PTP4A3: variants seen among roughly 807,000 people sequenced by gnomAD.
PTP4A3 encodes the protein protein tyrosine phosphatase type IVA 3.
A neutral mutation model predicts 15.2 loss-of-function variants in PTP4A3; 9 were observed. The observed-to-expected ratio is 0.59, with a 90% confidence interval of 0.36 to 1.03. The LOEUF is 1.03. Ranked by LOEUF, PTP4A3 falls within the 50% of genes least tolerant of loss-of-function variation. The pLI, the probability that PTP4A3 is intolerant of heterozygous loss-of-function variation, is 0.02. For missense variants in PTP4A3, 234 were observed against 252.1 expected, an observed-to-expected ratio of 0.93 and a Z score of 0.49; for synonymous variants, 95 against 102.0, an observed-to-expected ratio of 0.93 and a Z score of 0.41.
chr8:141,427,728 C>T, intron 4 of PTP4A3, 22 bp from the exon 5 acceptor site: 1 of 1,547,020 alleles, frequency 6.5e-7, no homozygotes, highest in South Asian at 1.2e-5. Context: ...CCGATGACCC[C>T]CGCCCTGCTG....
At chr8:141,419,060 C>T (rs959052682) in intron 1 of PTP4A3, among the ~76,000 whole-genome samples, 16 of 152,150 alleles carry the variant, frequency 1.1e-4, no homozygotes, top group African/African-American at 3.6e-4. Context: ...CCATTCTAGC[C>T]TGGGCTGTGA....
In PTP4A3 at chr8:141,421,704, C is replaced by T. The variant is rs1833338318; in HGVS notation, c.-537C>T. 1 of 155,286 alleles carries T rather than the reference C, an allele frequency of 6.4e-6. No individual in the cohort carries two copies. Among genetic ancestry groups the T allele is most frequent in the Non-Finnish European group, 1.4e-5 (1 of 70,358 alleles). 9.6% of individuals were successfully genotyped at this position (155,286 alleles called of 1,614,324 possible). ...CAAGGCAGCTGGAGTTGGTTCAGTTCAAGTTCATTCTTCCTCTGGCCCTTG... is the reference window on the plus strand; with the variant it reads ...CAAGGCAGCTGGAGTTGGTTCAGTTTAAGTTCATTCTTCCTCTGGCCCTTG... On this transcript the variant is annotated 5_prime_UTR_variant, in exon 2 of 6. Coordinates refer to ENST00000521578, the MANE Select transcript of PTP4A3 (RefSeq NM_032611.3).
At chr8:141,429,489 C>T (rs140354847) in intron 5 of PTP4A3, among the ~76,000 whole-genome samples, 20 of 151,556 alleles carry the variant, frequency 1.3e-4, no homozygotes, top group Admixed American at 7.9e-4. Context: ...GACCAGGTGG[C>T]GGGGCAGGGT....
rs149528767 is a variant in PTP4A3, at chr8:141,420,315, G to A, written c.-853-1073G>A. Among the ~76,000 whole-genome samples, 221 of 152,282 alleles carry A rather than the reference G, an allele frequency of 1.5e-3. 1 individual carries two copies. The highest frequency in any genetic ancestry group is 6.9e-3 in the East Asian group (36 of 5,188). On this transcript the variant is annotated intron_variant, in intron 1 of 5. Coordinates refer to ENST00000521578, the MANE Select transcript of PTP4A3 (RefSeq NM_032611.3). ...CCAGCAGTGCGGGGACCCCTCAGCAGCAGTGCCCAAATACAGCTTGGGTCA... is the reference window on the plus strand; with the variant it reads ...CCAGCAGTGCGGGGACCCCTCAGCAACAGTGCCCAAATACAGCTTGGGTCA...
At chr8:141,395,615 C>CGGGGT (rs1832428191) in intron 1 of PTP4A3, among the ~76,000 whole-genome samples, 1 of 146,016 alleles carries the variant, frequency 6.8e-6, no homozygotes, top group Admixed American at 6.8e-5. Flanking sequence ...TTCATCTACC[C>CGGGGT]AGGATAGGTG....
chr8:141,402,592 C>T (rs536038787), intron 1 of PTP4A3, among the ~76,000 whole-genome samples: 45 of 152,170 alleles, frequency 3.0e-4, no homozygotes, highest in East Asian at 1.9e-4. Context: ...CTCCTGCCTT[C>T]GGGAGCTGGG....
chr8:141,431,167 G>C lies in PTP4A3; in HGVS notation c.*123G>C, dbSNP rs1161735930. The stretch of plus-strand genomic sequence containing the variant: ...TCCAGGCCTTGGCTGGCCCCACATC[G>C]CCTTTTCCTCCCCGACACCTCCGTG... On this transcript the variant is annotated 3_prime_UTR_variant, in exon 6 of 6. Transcript: ENST00000521578. 3 of 902,078 alleles carry C rather than the reference G, an allele frequency of 3.3e-6. No homozygotes were observed. In the African/African-American group the frequency reaches 5.0e-5, roughly 15 times the overall value. 55.9% of individuals were successfully genotyped at this position (902,078 alleles called of 1,614,324 possible). A position where few individuals can be genotyped will look rare whatever the true frequency, so the allele number is the denominator to read the frequency against.
chr8:141,428,871 C>G (rs1020352307), intron 5 of PTP4A3, among the ~76,000 whole-genome samples: 3 of 152,222 alleles, frequency 2.0e-5, no homozygotes, highest in Non-Finnish European at 4.4e-5. Flanking sequence ...CACATGGACA[C>G]ACATGGATGC....
At chr8:141,413,568 G>A (rs1420186289) in intron 1 of PTP4A3, among the ~76,000 whole-genome samples, 1 of 152,224 alleles carries the variant, frequency 6.6e-6, no homozygotes, top group South Asian at 2.1e-4. Flanking sequence ...TTATAACAGA[G>A]CTCTGGGGTG....
chr8:141,401,379 G>C (rs1375287420), intron 1 of PTP4A3, among the ~76,000 whole-genome samples: 2 of 152,170 alleles, frequency 1.3e-5, no homozygotes, highest in Admixed American at 1.3e-4. Context: ...GAGGGCACTG[G>C]GTTTGGTGGG....
intron 1 of PTP4A3, among the ~76,000 whole-genome samples, chr8:141,408,490 G>A (rs1347324075): frequency 6.6e-6 from 1 of 152,042 alleles, no homozygotes; most frequent in Non-Finnish European, 1.5e-5. Context: ...GTGGTCATGG[G>A]CGCCCGTAAT....
At position 141,426,971 on chromosome 8, in the gene PTP4A3, C is replaced by CTTG; in HGVS notation, c.231_232insTTG (p.Pro77_Gly78insLeu). 1 of 1,610,176 alleles carries CTTG rather than the reference C, an allele frequency of 6.2e-7. No homozygotes were observed. Among genetic ancestry groups the CTTG allele is most frequent in the Non-Finnish European group, 8.5e-7 (1 of 1,179,874 alleles). ...CGTTTGACGATGGGGCGCCCCCGCC[C>CTTG]GGCAAGGTAGTGGAAGACTGGCTGA... is the stretch of plus-strand genomic sequence containing the variant. On this transcript the variant is annotated inframe_insertion, in exon 4 of 6. Coordinates refer to ENST00000521578, the MANE Select transcript of PTP4A3 (RefSeq NM_032611.3).
chr8:141,401,102 G>A (rs1832579758), intron 1 of PTP4A3, among the ~76,000 whole-genome samples: 1 of 152,152 alleles, frequency 6.6e-6, no homozygotes, highest in South Asian at 2.1e-4. Flanking sequence ...GCCAGCAGCC[G>A]GAGCTCACCC....
intron 1 of PTP4A3, among the ~76,000 whole-genome samples, chr8:141,393,386 G>A (rs1353249012): frequency 1.3e-5 from 2 of 152,204 alleles, no homozygotes; most frequent in Non-Finnish European, 2.9e-5. Context: ...CTGTGGTTAC[G>A]AAGGAGGAGA....
At chr8:141,396,856 T>C (rs1167112630) in intron 1 of PTP4A3, among the ~76,000 whole-genome samples, 2 of 152,046 alleles carry the variant, frequency 1.3e-5, no homozygotes, top group Admixed American at 1.3e-4. Context: ...GGGTCCTGAG[T>C]GCACTGAGCC....
intron 1 of PTP4A3, among the ~76,000 whole-genome samples, chr8:141,393,099 T>G (rs1463812778): frequency 2.6e-5 from 4 of 152,176 alleles, no homozygotes; most frequent in African/African-American, 9.7e-5. Context: ...CCTGTGGCCT[T>G]GCACAGACAG....
At chr8:141,408,437 G>A (rs1449494234) in intron 1 of PTP4A3, among the ~76,000 whole-genome samples, 1 of 152,202 alleles carries the variant, frequency 6.6e-6, no homozygotes, top group African/African-American at 2.4e-5. Context: ...TGGCCAACAT[G>A]GCGAAACCCT....
intron 1 of PTP4A3, among the ~76,000 whole-genome samples, chr8:141,419,575 T>TTTA (rs1449498468): frequency 6.6e-6 from 1 of 150,486 alleles, no homozygotes; most frequent in Non-Finnish European, 1.5e-5. Flanking sequence ...CCACCGGTTT[T>TTTA]TTTTTTTTTT....
At position 141,427,660 on chromosome 8, in the gene PTP4A3, C is replaced by G. The variant is rs1350168589; in HGVS notation, c.330-90C>G. 3 of 1,151,410 alleles carry G rather than the reference C, an allele frequency of 2.6e-6. No individual in the cohort carries two copies. In the East Asian group the frequency reaches 7.9e-5, roughly 30 times the overall value. 71.3% of individuals were successfully genotyped at this position (1,151,410 alleles called of 1,614,324 possible). ...CAGGGGGGATTCTGGGCCCCTTGGG[C>G]CCCCGTGCCCTGCATCTTCAGCAGG... On this transcript the variant is annotated intron_variant, in intron 4 of 5. Coordinates refer to ENST00000521578, the MANE Select transcript of PTP4A3 (RefSeq NM_032611.3).
Sources: allele counts gnomAD v4.1 joint callset (sites outside exome capture counted in the v4.1 genomes callset), GRCh38; gene constraint gnomAD v4.1.1; transcripts MANE v1.5; gene names NCBI Gene and HGNC (gene_info 2026-07-23, HGNC 2026-07-21).